RPL19: variants seen among roughly 807,000 people sequenced by gnomAD.
RPL19 encodes the protein ribosomal protein L19.
In RPL19, 2 loss-of-function variants were observed where a neutral mutation model predicts 25.1. The ratio of observed to expected loss-of-function variants is 0.08; its 90% CI spans 0.03 to 0.25. The LOEUF is 0.25. RPL19 is among the 10% of genes least tolerant of loss of function. The probability of loss-of-function intolerance (pLI) is 1.00; values close to 1 mark genes in which losing one functional copy is unlikely to be tolerated. For synonymous variants in RPL19, 89 were observed against 91.2 expected, an observed-to-expected ratio of 0.98 and a Z score of 0.14; for missense variants, 123 against 271.8, an observed-to-expected ratio of 0.45 and a Z score of 3.85.
chr17:39,201,034 G>C (rs2046283413), intron 1 of RPL19, 179 bp from the exon 2 acceptor site: 1 of 555,402 alleles, frequency 1.8e-6, no homozygotes, highest in South Asian at 2.5e-5. Flanking sequence ...GCATAGCGTG[G>C]GTTTTGAAGT....
At chr17:39,200,946 C>A (rs186553215) in intron 1 of RPL19, among the ~76,000 whole-genome samples, 5 of 152,212 alleles carry the variant, frequency 3.3e-5, no homozygotes, top group Non-Finnish European at 7.4e-5. Flanking sequence ...AATGGCATAA[C>A]CCCCCTATTC....
intron 3 of RPL19, 192 bp from the exon 4 acceptor site, chr17:39,202,797 C>G (rs1271974663): frequency 1.5e-6 from 1 of 648,556 alleles, no homozygotes; most frequent in African/African-American, 1.8e-5. Flanking sequence ...ATTTGTGCTT[C>G]CTTTAAAATT....
At chr17:39,201,871 C>T (rs2046292834) in intron 2 of RPL19, among the ~76,000 whole-genome samples, 1 of 152,198 alleles carries the variant, frequency 6.6e-6, no homozygotes, top group Non-Finnish European at 1.5e-5. Flanking sequence ...CACACCTAGC[C>T]TGGGTTGACT....
intron 2 of RPL19, among the ~76,000 whole-genome samples, chr17:39,201,996 A>G (rs1156327884): frequency 6.6e-6 from 1 of 152,198 alleles, no homozygotes; most frequent in Non-Finnish European, 1.5e-5. Context: ...ATGGCCAGGC[A>G]TGGTGGCAGG....
At position 39,203,012 on chromosome 17, in the gene RPL19, G is replaced by T. The variant is rs1423012388; in HGVS notation, c.259G>T (p.Ala87Ser). Residue 87 changes from alanine to serine, a missense_variant, in exon 4 of 6, where the codon GCC becomes TCC. Transcript: ENST00000225430. ...AGGTAAGCGGAAGGGTACAGCCAAT[G>T]CCCGAATGCCAGAGAAGGTCACATG... ...GIGKRKGTAN[A>S]RMPEKVTWMR... The T allele has an allele frequency of 6.2e-7, 1 of 1,613,946 alleles. No individual in the cohort carries two copies. The highest frequency in any genetic ancestry group is 1.1e-5 in the South Asian group (1 of 91,074).
chr17:39,201,395 G>T, intron 2 of RPL19, 76 bp downstream of exon 2: 3 of 860,606 alleles, frequency 3.5e-6, no homozygotes, highest in Non-Finnish European at 3.6e-6. Flanking sequence ...ACACAATTGT[G>T]TTGACTTTTT....
At chr17:39,200,614 C>T in intron 1 of RPL19, 1 of 1,230,692 alleles carries the variant, frequency 8.1e-7, no homozygotes, top group African/African-American at 1.6e-5. Context: ...GCGAGCAGAG[C>T]AAACGGAGCG....
At chr17:39,201,065 C>A (rs2046283757) in intron 1 of RPL19, 148 bp from the exon 2 acceptor site, 1 of 618,648 alleles carries the variant, frequency 1.6e-6, no homozygotes, top group African/African-American at 1.9e-5. Context: ...AGGGGGCCAG[C>A]TGCATAGCCC....
At chr17:39,203,288 TCTC>T (rs2046303487) in intron 4 of RPL19, among the ~76,000 whole-genome samples, 179 bp downstream of exon 4, 1 of 149,364 alleles carries the variant, frequency 6.7e-6, no homozygotes, top group South Asian at 2.1e-4. Flanking sequence ...TTCAAGTTAT[TCTC>T]CTGCCTCAGC....
rs760737490 is a variant in RPL19 at position 39,204,068 on chromosome 17, A to G, written c.357-9A>G. The G allele has an allele frequency of 2.0e-6, 3 of 1,524,906 alleles. No homozygotes were observed. The highest frequency in any genetic ancestry group is 1.8e-6 in the Non-Finnish European group (2 of 1,098,988). 94.5% of individuals were successfully genotyped at this position (1,524,906 alleles called of 1,614,324 possible). On this transcript the variant is annotated splice_polypyrimidine_tract_variant and intron_variant, in intron 4 of 5. Transcript: ENST00000225430. ...CAACCAGCATCTCTTCACTCCGTGTACCCTGCAGGTATCACAGCCTGTACC... is the reference window on the plus strand; with the variant it reads ...CAACCAGCATCTCTTCACTCCGTGTGCCCTGCAGGTATCACAGCCTGTACC...
rs1414921206 is a variant in RPL19 at position 39,204,603 on chromosome 17, G to A, written c.546G>A (p.Glu182=). The A allele has an allele frequency of 1.9e-6, 3 of 1,614,182 alleles. No homozygotes were observed. Among genetic ancestry groups the A allele is most frequent in the African/African-American group, 2.7e-5 (2 of 75,056 alleles). The part of the protein sequence containing the change: ...RREERLQAKK[E]EIIKTLSKEE... Reference sequence around the variant, plus strand: ...AAGAGCGCCTCCAGGCCAAGAAGGAGGAGATCATCAAGACTTTATCCAAGG... The same window carrying A: ...AAGAGCGCCTCCAGGCCAAGAAGGAAGAGATCATCAAGACTTTATCCAAGG... The change falls in exon 6 of 6, where the codon GAG becomes GAA. Residue 182 remains glutamate (E), a synonymous_variant. Coordinates refer to ENST00000225430, the MANE Select transcript of RPL19 (RefSeq NM_000981.4).
intron 4 of RPL19, among the ~76,000 whole-genome samples, chr17:39,203,529 G>C (rs1354803536): frequency 6.9e-6 from 1 of 145,826 alleles, no homozygotes; most frequent in Non-Finnish European, 1.5e-5. Context: ...TTTTTTTTTG[G>C]AGACAGAGTC....
chr17:39,204,287 T>TC, intron 5 of RPL19, 100 bp downstream of exon 5: 1 of 862,492 alleles, frequency 1.2e-6, no homozygotes, highest in African/African-American at 1.7e-5. Flanking sequence ...GACTTGCACG[T>TC]AGTCTGTCTT....
intron 4 of RPL19, among the ~76,000 whole-genome samples, chr17:39,203,799 G>GT (rs1489310489): frequency 2.0e-5 from 3 of 151,986 alleles, no homozygotes; most frequent in African/African-American, 7.3e-5. Context: ...GAGCCACCAC[G>GT]CCCAGCCATG....
chr17:39,202,336 C>T lies in RPL19; in HGVS notation c.132C>T (p.Leu44=). ...NANSRQQIRK[L]IKDGLIIRKP... is the part of the protein sequence containing the mutation. ...TCCCAGGTCAGCAGATCCGGAAGCT[C>T]ATCAAAGATGGGCTGATCATCCGCA... Residue 44 remains leucine, a synonymous_variant, in exon 3 of 6, where the codon CTC becomes CTT. Transcript: ENST00000225430. The T allele has an allele frequency of 1.2e-6, 2 of 1,614,008 alleles. No individual in the cohort carries two copies. Among genetic ancestry groups the T allele is most frequent in the Non-Finnish European group, 1.7e-6 (2 of 1,179,986 alleles).
chr17:39,200,839 G>A, intron 1 of RPL19: 1 of 883,652 alleles, frequency 1.1e-6, no homozygotes, highest in Non-Finnish European at 1.4e-6. Flanking sequence ...TGATAAAACA[G>A]GGAAATAAGC....
At chr17:39,200,618 C>T (rs1171640353) in intron 1 of RPL19, 1 of 1,224,214 alleles carries the variant, frequency 8.2e-7, no homozygotes, top group African/African-American at 1.6e-5. Flanking sequence ...GCAGAGCAAA[C>T]GGAGCGAACA....
In RPL19 at chr17:39,200,364, G is replaced by A. The variant is rs1363178747; in HGVS notation, c.5+15G>A. 4 of 1,567,292 alleles carry A rather than the reference G, an allele frequency of 2.6e-6. No individual in the cohort carries two copies. The highest frequency in any genetic ancestry group is 1.2e-5 in the South Asian group (1 of 84,854). ...GCAGCCATGAGGTGAGGGCGAGCTGGTCTCCATCAGGCGCTGACGCGTGTC... is the reference window on the plus strand; with the variant it reads ...GCAGCCATGAGGTGAGGGCGAGCTGATCTCCATCAGGCGCTGACGCGTGTC... On this transcript the variant is annotated intron_variant, in intron 1 of 5. Coordinates refer to ENST00000225430, the MANE Select transcript of RPL19 (RefSeq NM_000981.4).
chr17:39,204,295 C>T lies in RPL19; in HGVS notation c.467+108C>T, dbSNP rs2046309894. 2.7e-5 allele frequency: 23 copies of T among 849,778 alleles called. No individual in the cohort carries two copies. In the South Asian group the frequency reaches 3.1e-4, roughly 11 times the overall value. The allele number at this position is 849,778 out of a possible 1,614,324, so 52.6% of individuals were successfully genotyped here. A position where few individuals can be genotyped will look rare whatever the true frequency, so the allele number is the denominator to read the frequency against. On this transcript the variant is annotated intron_variant, in intron 5 of 5. Coordinates refer to ENST00000225430, the MANE Select transcript of RPL19 (RefSeq NM_000981.4). ...AAGTCTTGACTTGCACGTAGTCTGT[C>T]TTAGGAATACAGCTGTTCCCTTAGA...
Sources: gnomAD v4.1 joint callset for allele counts (sites outside exome capture counted in the v4.1 genomes callset) on GRCh38, gnomAD v4.1.1 for gene constraint, MANE v1.5 for transcripts, NCBI Gene and HGNC (gene_info 2026-07-23, HGNC 2026-07-21) for gene names.